Variants in UBR1 observed in about 807,000 individuals in gnomAD.
The protein encoded by UBR1 is ubiquitin protein ligase E3 component n-recognin 1.
In UBR1, 102 loss-of-function variants were observed where a neutral mutation model predicts 242.1. That is an observed-to-expected ratio of 0.42 (90% CI 0.36 to 0.50). The LOEUF (loss-of-function observed/expected upper bound fraction) is 0.50, where lower values mean the gene tolerates loss of function less well. Ranked by LOEUF, UBR1 falls within the 20% of genes least tolerant of loss-of-function variation. UBR1 has a pLI of 0.01. For synonymous variants in UBR1, 675 were observed against 684.8 expected (o/e 0.99, Z 0.22); for missense variants, 1,772 against 2,101.8 (o/e 0.84, Z 3.07).
intron 1 of UBR1, 24 bp from the exon 2 acceptor site, chr15:43,086,264 T>G: frequency 6.2e-7 from 1 of 1,612,920 alleles, no homozygotes. Context: ...AGATGAAAAT[T>G]AGACTGACTT....
intron 35 of UBR1, among the ~76,000 whole-genome samples, chr15:42,987,711 C>CAAA (rs35169116): frequency 0.015 from 749 of 51,088 alleles, no homozygotes; most frequent in East Asian, 0.019. Context: ...GACTCTGTCT[C>CAAA]AAAAAAAAAA....
intron 13 of UBR1, among the ~76,000 whole-genome samples, chr15:43,047,831 T>C (rs938129190): frequency 2.0e-5 from 3 of 152,194 alleles, no homozygotes; most frequent in Admixed American, 2.0e-4. Context: ...TTAATAAGAT[T>C]GCTATAAGGC....
At chr15:43,005,409 T>C (rs2032804500) in intron 30 of UBR1, among the ~76,000 whole-genome samples, 1 of 144,386 alleles carries the variant, frequency 6.9e-6, no homozygotes, top group Non-Finnish European at 1.5e-5. Context: ...AGCCGCCCTG[T>C]CTTGGAGGGA....
intron 43 of UBR1, among the ~76,000 whole-genome samples, chr15:42,959,050 C>T (rs774460907): frequency 2.0e-5 from 3 of 152,018 alleles, no homozygotes; most frequent in East Asian, 1.9e-4. Flanking sequence ...AGGCTGGTCT[C>T]GAACTCCTGA....
At chr15:42,973,507 G>T (rs1035456029) in intron 39 of UBR1, among the ~76,000 whole-genome samples, 6 of 151,996 alleles carry the variant, frequency 3.9e-5, no homozygotes, top group African/African-American at 1.5e-4. Flanking sequence ...GTTGGTCAGG[G>T]TGGTCTCAAA....
chr15:42,967,275 C>A (rs1043878633), intron 40 of UBR1, among the ~76,000 whole-genome samples: 1 of 134,170 alleles, frequency 7.5e-6, no homozygotes, highest in Non-Finnish European at 1.5e-5. Flanking sequence ...CTTGCTCAGG[C>A]TGATCTTGAA....
At chr15:42,955,490 G>C (rs150884639) in intron 44 of UBR1, among the ~76,000 whole-genome samples, 191 of 152,284 alleles carry the variant, frequency 1.3e-3, no homozygotes, top group African/African-American at 4.5e-3. Context: ...GTCTTGAATA[G>C]GCTTTGTTTT....
intron 15 of UBR1, among the ~76,000 whole-genome samples, chr15:43,041,184 G>A (rs1388749072): frequency 6.6e-6 from 1 of 152,070 alleles, no homozygotes; most frequent in Admixed American, 6.5e-5. Context: ...CAAAGACTTG[G>A]AACCAACCCA....
intron 33 of UBR1, among the ~76,000 whole-genome samples, chr15:42,993,574 G>A (rs2032589003): frequency 6.6e-6 from 1 of 151,996 alleles, no homozygotes. Context: ...CACCATGTTG[G>A]CCGGGCTGGT....
chr15:43,101,553 G>A (rs147502959), intron 1 of UBR1, among the ~76,000 whole-genome samples: 40 of 152,316 alleles, frequency 2.6e-4, no homozygotes, highest in African/African-American at 8.9e-4. Flanking sequence ...ACCAAGGCCA[G>A]GTGCGATGGC....
At chr15:43,018,452 C>G (rs941878432) in intron 27 of UBR1, among the ~76,000 whole-genome samples, 1 of 152,148 alleles carries the variant, frequency 6.6e-6, no homozygotes, top group African/African-American at 2.4e-5. Flanking sequence ...TGCAATGGCA[C>G]AATCTTGGCT....
chr15:43,100,998 CAGAGAATA>C (rs1282129661), intron 1 of UBR1, among the ~76,000 whole-genome samples: 1 of 152,166 alleles, frequency 6.6e-6, no homozygotes, highest in Non-Finnish European at 1.5e-5. Flanking sequence ...GTTGCTTTGA[CAGAGAATA>C]AGAGGAACCC....
intron 34 of UBR1, 136 bp downstream of exon 34, chr15:42,989,894 C>G: frequency 1.4e-6 from 1 of 718,734 alleles, no homozygotes; most frequent in Non-Finnish European, 2.3e-6. Flanking sequence ...ACAAATAAAA[C>G]AAACGAGAAA....
At chr15:42,964,081 T>A in intron 41 of UBR1, 38 bp from the exon 42 acceptor site, 1 of 1,372,540 alleles carries the variant, frequency 7.3e-7, no homozygotes, top group Non-Finnish European at 1.0e-6. Context: ...AAGCACATTA[T>A]TCTTACCTGG....
chr15:43,048,985 C>T (rs2033519732), intron 12 of UBR1, among the ~76,000 whole-genome samples: 1 of 152,200 alleles, frequency 6.6e-6, no homozygotes, highest in African/African-American at 2.4e-5. Flanking sequence ...AAGAGATAAA[C>T]AAACTCATTT....
At chr15:43,014,975 G>A (rs1249202535) in intron 29 of UBR1, among the ~76,000 whole-genome samples, 2 of 150,164 alleles carry the variant, frequency 1.3e-5, no homozygotes, top group Non-Finnish European at 3.0e-5. Flanking sequence ...GAGGGAGGTG[G>A]GGGGTCAGCC....
intron 31 of UBR1, among the ~76,000 whole-genome samples, chr15:43,003,019 T>A (rs1312247355): frequency 6.6e-6 from 1 of 152,216 alleles, no homozygotes; most frequent in Non-Finnish European, 1.5e-5. Flanking sequence ...AATGATGAAC[T>A]GAAGTAGTGA....
Position 43,024,846 on chromosome 15 carries a change from C to A in UBR1, c.2722G>T (p.Glu908Ter). ...AIDTDSNLWT[E>*]GMLQMAFHIL... ...AAACAAACCATTTGGAGCATCCCTT[C>A]GGTCCACAAGTTAGAATCTGTGTCT... The change falls in exon 25 of 47, where the codon GAA (glutamate) becomes TAA (stop). Residue 908 changes from glutamate to a stop codon, truncating the protein, a stop_gained. Coordinates refer to ENST00000290650, the MANE Select transcript of UBR1 (RefSeq NM_174916.3). LOFTEE classifies it high-confidence loss of function. 1 of 1,614,162 alleles carries A rather than the reference C, an allele frequency of 6.2e-7. No homozygotes were observed. The highest frequency in any genetic ancestry group is 8.5e-7 in the Non-Finnish European group (1 of 1,180,020).
chr15:42,959,429 T>TG (rs2031978813), intron 43 of UBR1, among the ~76,000 whole-genome samples: 1 of 152,216 alleles, frequency 6.6e-6, no homozygotes, highest in African/African-American at 2.4e-5. Flanking sequence ...TAACAATCTT[T>TG]TCCTCTTTAA....
Sources: allele counts gnomAD v4.1 joint callset (sites outside exome capture counted in the v4.1 genomes callset), GRCh38; gene constraint gnomAD v4.1.1; transcripts MANE v1.5; gene names NCBI Gene and HGNC (gene_info 2026-07-23, HGNC 2026-07-21).